The following EVC2 variants were observed in gnomAD, a reference collection of about 807,000 sequenced individuals.
The protein encoded by EVC2 is EvC ciliary complex subunit 2, also known as limbin.
In EVC2, 148 loss-of-function variants were observed where a neutral mutation model predicts 149.3. The ratio of observed to expected loss-of-function variants is 0.99; its 90% confidence interval spans 0.87 to 1.14. EVC2 has a LOEUF of 1.14. Among genes scored for constraint, EVC2 ranks in the 50% most tolerant of loss-of-function variants. The probability of loss-of-function intolerance (pLI) is 0.00; values close to 1 mark genes in which losing one functional copy is unlikely to be tolerated. For synonymous variants in EVC2, 776 were observed against 649.9 expected (o/e 1.19, Z -2.95); for missense variants, 1,854 against 1,627.3 (o/e 1.14, Z -2.40).
At chr4:5,593,685 G>C (rs1358959093) in intron 16 of EVC2, among the ~76,000 whole-genome samples, 2 of 152,126 alleles carry the variant, frequency 1.3e-5, no homozygotes, top group Non-Finnish European at 2.9e-5. Flanking sequence ...GAGGTACCGG[G>C]ATCATCTCAC....
rs752868137 is a variant in EVC2 at position 5,622,975 on chromosome 4, C to T, written c.2063G>A (p.Arg688Lys). 2 of 1,613,676 alleles carry T rather than the reference C, an allele frequency of 1.2e-6. No individual in the cohort carries two copies. The highest frequency in any genetic ancestry group is 2.2e-5 in the East Asian group (1 of 44,872). Residue 688 changes from arginine (R) to lysine (K), a missense_variant, in exon 14 of 22, where the codon AGG (arginine) becomes AAG (lysine). By Grantham distance (26) the Arg-to-Lys change is conservative (BLOSUM62 2). Coordinates refer to ENST00000344408, the MANE Select transcript of EVC2 (RefSeq NM_147127.5). This position sits in a 1 kb window ranked among gnomAD's most constrained non-coding sequence, Gnocchi z 5.8. ...ELLQKHREQRREQASVGEAFR... is the reference protein window; with the variant it reads ...ELLQKHREQRKEQASVGEAFR... ...GGCCTCGCCGACGGACGCCTGCTCC[C>T]TACGCTGCTCCCTGTGCTGGAGTTT... is the stretch of plus-strand genomic sequence containing the variant.
chr4:5,637,686 A>C lies in EVC2; in HGVS notation c.1470+2828T>G, dbSNP rs1374252640. Among the ~76,000 whole-genome samples, 1 of 152,202 alleles carries C rather than the reference A, an allele frequency of 6.6e-6. No homozygotes were observed. The highest frequency in any genetic ancestry group is 1.5e-5 in the Non-Finnish European group (1 of 68,036). The stretch of plus-strand genomic sequence containing the variant: ...AGGCTAAAATGTATGCTGGCAACTG[A>C]GGGCAGGTGTGAAGGCTGCCTGAGC... On this transcript the variant is annotated intron_variant, in intron 10 of 21. Coordinates refer to ENST00000344408, the MANE Select transcript of EVC2 (RefSeq NM_147127.5). The surrounding 1 kb of genome is among the most constrained non-coding windows in gnomAD (Gnocchi z 4.4).
chr4:5,621,116 A>C (rs1715656573), intron 14 of EVC2, among the ~76,000 whole-genome samples: 1 of 152,220 alleles, frequency 6.6e-6, no homozygotes, highest in Non-Finnish European at 1.5e-5. Context: ...GATAGTATCA[A>C]TCTTTGCAAA....
Position 5,686,649 on chromosome 4 carries a change from G to A in EVC2, c.707-1170C>T, listed in dbSNP as rs376733978. On this transcript the variant is annotated intron_variant, in intron 5 of 21. Coordinates refer to ENST00000344408, the MANE Select transcript of EVC2 (RefSeq NM_147127.5). This position sits in a 1 kb window ranked among gnomAD's most constrained non-coding sequence, Gnocchi z 5.4. ...TGGACAGGGAGCCACCTGACCCTCT[G>A]GGTCCCATCATCTTTTCCCCAAACA... 3.9e-5 allele frequency among the ~76,000 whole-genome samples: 6 copies of A among 152,266 alleles called. No homozygotes were observed. Among genetic ancestry groups the A allele is most frequent in the African/African-American group, 1.2e-4 (5 of 41,546 alleles).
At chr4:5,566,991 T>G (rs1376016256) in intron 20 of EVC2, among the ~76,000 whole-genome samples, 2 of 152,162 alleles carry the variant, frequency 1.3e-5, no homozygotes, top group African/African-American at 4.8e-5. Context: ...GTAATATGAT[T>G]GGCTCCTAAT....
At chr4:5,535,625 G>GAGAGAGAGAT in the EVC2 span, among the ~76,000 whole-genome samples, 47 of 150,568 alleles carry the variant, frequency 3.1e-4, no homozygotes, top group African/African-American at 1.1e-3. This position sits in a 1 kb window ranked among gnomAD's most constrained non-coding sequence, Gnocchi z 4.7. Flanking sequence ...GAGAGAGAGA[G>GAGAGAGAGAT]AGAGAGAGAA....
chr4:5,538,823 C>T (rs1721463833), downstream of EVC2, among the ~76,000 whole-genome samples: 2 of 152,118 alleles, frequency 1.3e-5, no homozygotes, highest in South Asian at 4.1e-4. Flanking sequence ...AACTTCCATA[C>T]AGTAAAGGTT....
chr4:5,589,895 T>C (rs1712633070), intron 16 of EVC2, among the ~76,000 whole-genome samples: 1 of 152,172 alleles, frequency 6.6e-6, no homozygotes, highest in Non-Finnish European at 1.5e-5. Flanking sequence ...AATATTGCCG[T>C]TGTTAATACT....
chr4:5,650,618 TATATATATATATATATATATAGAGAGAG>T (rs946843492), intron 9 of EVC2, among the ~76,000 whole-genome samples: 1 of 70,078 alleles, frequency 1.4e-5, no homozygotes, highest in African/African-American at 4.8e-5. Context: ...TATATATATA[TATATATATATATATATATATAGAGAGAG>T]AGAGAGAGAG....
chr4:5,573,640 C>G (rs1722757794), intron 19 of EVC2, among the ~76,000 whole-genome samples: 2 of 152,194 alleles, frequency 1.3e-5, no homozygotes, highest in Non-Finnish European at 1.5e-5. Context: ...GATTTCTGAC[C>G]TCCAGAACTT....
chr4:5,579,325 GA>G (rs1711550561), intron 17 of EVC2, among the ~76,000 whole-genome samples: 1 of 152,212 alleles, frequency 6.6e-6, no homozygotes, highest in Non-Finnish European at 1.5e-5. Flanking sequence ...GAATGGGTAT[GA>G]AAATGTCATG....
At chr4:5,682,340 A>G (rs1720404754) in intron 6 of EVC2, among the ~76,000 whole-genome samples, 1 of 151,606 alleles carries the variant, frequency 6.6e-6, no homozygotes, top group African/African-American at 2.4e-5. Context: ...AAAATCAAAA[A>G]TTAGCTGGGT....
chr4:5,587,085 C>T (rs1712355570), intron 16 of EVC2, among the ~76,000 whole-genome samples: 1 of 152,182 alleles, frequency 6.6e-6, no homozygotes, highest in African/African-American at 2.4e-5. Flanking sequence ...TTACTATTTT[C>T]ATTGAAATAA....
chr4:5,629,983 A>G (rs1716411058), intron 11 of EVC2, among the ~76,000 whole-genome samples: 1 of 152,220 alleles, frequency 6.6e-6, no homozygotes, highest in Non-Finnish European at 1.5e-5. Flanking sequence ...CATTCTTTTT[A>G]ACTTGAGTGC....
intron 1 of EVC2, among the ~76,000 whole-genome samples, chr4:5,707,621 G>A (rs1156742204): frequency 6.6e-6 from 1 of 152,108 alleles, no homozygotes; most frequent in Non-Finnish European, 1.5e-5. Context: ...GGTGGGACCT[G>A]AAGCCAGGGA....
chr4:5,662,559 T>C (rs1718961065), intron 9 of EVC2, among the ~76,000 whole-genome samples: 1 of 129,012 alleles, frequency 7.8e-6, no homozygotes, highest in Admixed American at 7.9e-5. Flanking sequence ...ATTAAATATA[T>C]TAAATATAAT....
the EVC2 span, among the ~76,000 whole-genome samples, chr4:5,536,731 C>T: frequency 1.3e-4 from 20 of 151,178 alleles, no homozygotes; most frequent in Non-Finnish European, 2.8e-4. Flanking sequence ...TTGCAATGAG[C>T]AGAGATCACG....
At chr4:5,699,676 C>T (rs1057495509) in intron 1 of EVC2, among the ~76,000 whole-genome samples, 3 of 150,456 alleles carry the variant, frequency 2.0e-5, no homozygotes, top group African/African-American at 7.4e-5. Context: ...AGAAAATTAG[C>T]CAGATGTAGT....
the EVC2 span, among the ~76,000 whole-genome samples, chr4:5,529,377 C>T: frequency 6.6e-6 from 1 of 152,172 alleles, no homozygotes; most frequent in East Asian, 1.9e-4. The surrounding 1 kb of genome is among the most constrained non-coding windows in gnomAD (Gnocchi z 4.5). Context: ...ACCTCCAAGA[C>T]AACAACCAAG....
Sources: allele counts gnomAD v4.1 joint callset (sites outside exome capture counted in the v4.1 genomes callset), GRCh38; gene constraint gnomAD v4.1.1; non-coding constraint Gnocchi (gnomAD v3.1); transcripts MANE v1.5; gene names NCBI Gene and HGNC (gene_info 2026-07-23, HGNC 2026-07-21).